CPEB3: variants seen among roughly 807,000 people sequenced by gnomAD.
The protein encoded by CPEB3 is cytoplasmic polyadenylation element binding protein 3, also known as cytoplasmic polyadenylation element-binding protein 3.
In CPEB3, 20 loss-of-function variants were observed where a neutral mutation model predicts 67.2. That is an observed-to-expected ratio of 0.30 (90% CI 0.21 to 0.43). The LOEUF is 0.43. Among genes scored for constraint, CPEB3 ranks in the 20% least tolerant of loss-of-function variants. The pLI, the probability that CPEB3 is intolerant of heterozygous loss-of-function variation, is 1.00. For missense variants in CPEB3, 746 were observed against 968.6 expected (o/e 0.77, Z 3.05); for synonymous variants, 376 against 393.1 (o/e 0.96, Z 0.51).
At chr10:92,287,700 CCT>C (rs745663344) in intron 1 of CPEB3, among the ~76,000 whole-genome samples, 12 of 152,086 alleles carry the variant, frequency 7.9e-5, no homozygotes, top group Non-Finnish European at 1.8e-4. Context: ...AAAATTCACC[CCT>C]TTTAAGTGTA....
intron 1 of CPEB3, among the ~76,000 whole-genome samples, chr10:92,240,820 A>G (rs1255440690): frequency 6.6e-6 from 1 of 152,008 alleles, no homozygotes; most frequent in Non-Finnish European, 1.5e-5. Flanking sequence ...CACCGCACAC[A>G]CGACCCTTTC....
At chr10:92,110,704 C>A (rs1421075736) in intron 7 of CPEB3, among the ~76,000 whole-genome samples, 1 of 152,196 alleles carries the variant, frequency 6.6e-6, no homozygotes, top group Non-Finnish European at 1.5e-5. Context: ...TAAACATCAA[C>A]AATTATGACC....
intron 2 of CPEB3, among the ~76,000 whole-genome samples, chr10:92,238,772 ATTG>A (rs560098209): frequency 0.012 from 1,772 of 152,274 alleles, 16 homozygotes; most frequent in Non-Finnish European, 0.02. Flanking sequence ...CAATATGCTG[ATTG>A]TTATTAATGA....
At chr10:92,257,376 C>T (rs1207002200) in intron 1 of CPEB3, among the ~76,000 whole-genome samples, 2 of 152,152 alleles carry the variant, frequency 1.3e-5, no homozygotes, top group Non-Finnish European at 2.9e-5. Flanking sequence ...CTCACTGCAG[C>T]CTCAACCTCG....
At chr10:92,071,649 C>A (rs550376080) in intron 9 of CPEB3, among the ~76,000 whole-genome samples, 1 of 151,740 alleles carries the variant, frequency 6.6e-6, no homozygotes, top group Non-Finnish European at 1.5e-5. Flanking sequence ...GCAAGAGAAT[C>A]GCTTGAACCC....
intron 1 of CPEB3, among the ~76,000 whole-genome samples, chr10:92,265,117 G>A (rs1028374451): frequency 6.6e-6 from 1 of 151,258 alleles, no homozygotes; most frequent in African/African-American, 2.4e-5. Context: ...AGCCGATCCT[G>A]ACACTGCACT....
rs1852172792 is a variant in CPEB3, at chr10:92,048,385, TCTCACACA to T, written c.*3819_*3826del. 8.3e-6 allele frequency: 1 copy of T among 119,876 alleles called. No individual in the cohort carries two copies. Among genetic ancestry groups the T allele is most frequent in the African/African-American group, 3.3e-5 (1 of 29,916 alleles). The allele number at this position is 119,876 out of a possible 1,614,324, so 7.4% of individuals were successfully genotyped here. Reference sequence around the variant, plus strand: ...TTTTCTCTCTCTCTCTCTCTCTCTCTCTCACACACACACACACACACACGACATAATGA... The same window carrying T: ...TTTTCTCTCTCTCTCTCTCTCTCTCTCACACACACACACACGACATAATGA... On this transcript the variant is annotated 3_prime_UTR_variant, in exon 10 of 10. Transcript: ENST00000265997. The surrounding 1 kb of genome is among the most constrained non-coding windows in gnomAD (Gnocchi z 4.1).
chr10:92,131,902 C>A (rs1845859639), intron 6 of CPEB3, among the ~76,000 whole-genome samples: 1 of 152,126 alleles, frequency 6.6e-6, no homozygotes, highest in Non-Finnish European at 1.5e-5. Context: ...GAAGCACTGT[C>A]TAACAGAAAT....
chr10:92,141,560 A>C (rs948396937), intron 6 of CPEB3, among the ~76,000 whole-genome samples: 32 of 152,236 alleles, frequency 2.1e-4, no homozygotes, highest in African/African-American at 7.5e-4. Context: ...GCAGCACACC[A>C]GCATGGCACA....
Position 92,290,037 on chromosome 10 carries a change from C to G in CPEB3, c.-12+889G>C, listed in dbSNP as rs575466213. 4.0e-5 allele frequency among the ~76,000 whole-genome samples: 6 copies of G among 150,798 alleles called. No individual in the cohort carries two copies. The East Asian group carries it at 1.2e-3, about 29-fold the overall frequency. The stretch of plus-strand genomic sequence containing the variant: ...TTGTTTTTTCCCAGCAATGAACACT[C>G]TAGTTCAAATATACTTCGCAAATTT... On this transcript the variant is annotated intron_variant, in intron 1 of 9. Coordinates refer to ENST00000265997, the MANE Select transcript of CPEB3 (RefSeq NM_014912.5).
intron 2 of CPEB3, among the ~76,000 whole-genome samples, chr10:92,196,094 G>A (rs10882029): frequency 0.19 from 28,624 of 152,084 alleles, 3,364 homozygotes; most frequent in East Asian, 0.4. Flanking sequence ...ATGTAGAGCC[G>A]ATTAAAACAT....
intron 1 of CPEB3, among the ~76,000 whole-genome samples, chr10:92,242,763 A>G (rs1048935804): frequency 1.3e-5 from 2 of 152,212 alleles, no homozygotes; most frequent in East Asian, 3.8e-4. Context: ...GCTGTAATCA[A>G]TGTTAACATA....
chr10:92,254,160 T>G (rs553927025), intron 1 of CPEB3, among the ~76,000 whole-genome samples: 1 of 152,066 alleles, frequency 6.6e-6, no homozygotes, highest in South Asian at 2.1e-4. Flanking sequence ...TCCCAGGAAG[T>G]TGAGGCTGCA....
At chr10:92,237,175 A>G (rs2134634251) in intron 2 of CPEB3, among the ~76,000 whole-genome samples, 1 of 152,340 alleles carries the variant, frequency 6.6e-6, no homozygotes, top group African/African-American at 2.4e-5. Context: ...ACAGAAATCA[A>G]GTCTAATATC....
intron 9 of CPEB3, among the ~76,000 whole-genome samples, chr10:92,076,553 A>T (rs1842941493): frequency 6.6e-6 from 1 of 152,220 alleles, no homozygotes; most frequent in South Asian, 2.1e-4. Flanking sequence ...TCACACAGGC[A>T]TGTGCCACCA....
chr10:92,098,380 C>T (rs920653220), intron 7 of CPEB3, among the ~76,000 whole-genome samples: 2 of 151,982 alleles, frequency 1.3e-5, no homozygotes, highest in Non-Finnish European at 2.9e-5. Flanking sequence ...ACGATCTTGG[C>T]TCACCACAAC....
chr10:92,170,382 A>T (rs1030636789), intron 4 of CPEB3, among the ~76,000 whole-genome samples: 13 of 152,226 alleles, frequency 8.5e-5, no homozygotes, highest in African/African-American at 3.1e-4. Context: ...AAAGATAATT[A>T]AAAATGTATA....
At chr10:92,253,581 A>T (rs1056320984) in intron 1 of CPEB3, among the ~76,000 whole-genome samples, 2 of 152,012 alleles carry the variant, frequency 1.3e-5, no homozygotes, top group African/African-American at 2.4e-5. Context: ...TTACAAAAAT[A>T]CAAATAGAAA....
chr10:92,226,789 G>A (rs1292017200), intron 2 of CPEB3, among the ~76,000 whole-genome samples: 1 of 151,786 alleles, frequency 6.6e-6, no homozygotes, highest in Non-Finnish European at 1.5e-5. Flanking sequence ...CCTGGGCAGA[G>A]TGGGGGCTCA....
Sources: allele counts gnomAD v4.1 joint callset (sites outside exome capture counted in the v4.1 genomes callset), GRCh38; gene constraint gnomAD v4.1.1; non-coding constraint Gnocchi (gnomAD v3.1); transcripts MANE v1.5; gene names NCBI Gene and HGNC (gene_info 2026-07-23, HGNC 2026-07-21).